The following STK3 variants were observed in gnomAD, a reference collection of about 807,000 sequenced individuals.
STK3 encodes serine/threonine-protein kinase 3.
Under a neutral mutation model 58.0 loss-of-function variants are expected in STK3, and 41 were observed. That is an observed-to-expected ratio of 0.71 (90% CI 0.55 to 0.92). The LOEUF is 0.92. Among genes scored for constraint, STK3 ranks in the 40% least tolerant of loss-of-function variants. STK3 has a pLI of 0.00. For synonymous variants in STK3, 170 were observed against 191.0 expected (o/e 0.89, Z 0.91); for missense variants, 479 against 602.7 (o/e 0.79, Z 2.15).
In STK3 at chr8:98,780,931, T is replaced by C. The variant is rs1022723627; in HGVS notation, c.27-6112A>G. Among the ~76,000 whole-genome samples, 8 of 152,286 alleles carry C rather than the reference T, an allele frequency of 5.3e-5. No homozygotes were observed. In the East Asian group the frequency reaches 7.7e-4, roughly 15 times the overall value. ...GGTCATGAAGCACAAGAAGGTAATA[T>C]TTGGCTACATCAAAAGCTACCAAAA... On this transcript the variant is annotated intron_variant, in intron 1 of 10. Transcript: ENST00000419617.
chr8:98,627,670 G>A (rs549732952), intron 6 of STK3, among the ~76,000 whole-genome samples: 11 of 152,154 alleles, frequency 7.2e-5, no homozygotes, highest in Admixed American at 3.3e-4. Flanking sequence ...TGTATGACCT[G>A]TAGAACTGTA....
upstream of STK3, among the ~76,000 whole-genome samples, chr8:98,828,448 AAAAAAAAAAAAAAAAAAC>A: frequency 6.7e-6 from 1 of 149,802 alleles, no homozygotes; most frequent in Non-Finnish European, 1.5e-5. Flanking sequence ...AAAAAAAAAA[AAAAAAAAAAAAAAAAAAC>A]AAAAGAAATA....
At chr8:98,387,357 T>C (rs1403846281) in intron 1 of STK3, among the ~76,000 whole-genome samples, 1 of 152,222 alleles carries the variant, frequency 6.6e-6, no homozygotes, top group Non-Finnish European at 1.5e-5. Context: ...AGAAGCTAAG[T>C]AAAAGCCACG....
At chr8:98,840,624 T>TAC (rs1157196050) in intron 3 of STK3, among the ~76,000 whole-genome samples, 5 of 132,216 alleles carry the variant, frequency 3.8e-5, no homozygotes, top group African/African-American at 1.2e-4. Context: ...TATATATATA[T>TAC]ATATACACAC....
Position 98,432,914 on chromosome 8 carries a change from G to C in STK3, n.483+1213C>G, listed in dbSNP as rs558111358. On this transcript the variant is annotated intron_variant and non_coding_transcript_variant, in intron 3 of 3. Transcript: ENST00000517832. ...CGATTCGGGAATGGGCAGTAATACT[G>C]ACACACTCGGGACTCCAGCCTCAAA... The C allele has an allele frequency of 2.3e-3, 374 of 161,972 alleles. 1 individual carries two copies. The highest frequency in any genetic ancestry group is 2.6e-3 in the Admixed American group (40 of 15,306). 10.0% of individuals were successfully genotyped at this position (161,972 alleles called of 1,614,324 possible).
intron 3 of STK3, among the ~76,000 whole-genome samples, chr8:98,847,049 C>A (rs868780064): frequency 2.6e-5 from 4 of 152,162 alleles, no homozygotes; most frequent in Non-Finnish European, 5.9e-5. Context: ...TATGACTCTT[C>A]ATTTAATAAC....
At chr8:98,425,338 C>G (rs999515009) in intron 3 of STK3, among the ~76,000 whole-genome samples, 1 of 147,698 alleles carries the variant, frequency 6.8e-6, no homozygotes, top group African/African-American at 2.4e-5. Flanking sequence ...GACACACACA[C>G]ACACACACAC....
the STK3 span, among the ~76,000 whole-genome samples, chr8:98,351,771 A>G: frequency 6.6e-6 from 1 of 152,182 alleles, no homozygotes; most frequent in Admixed American, 6.5e-5. Flanking sequence ...AAAAGATGCA[A>G]ATCTCCTTAG....
rs201078149 is a variant in STK3 at position 98,590,856 on chromosome 8, C to T, written c.822+5176G>A. ...ACTTATGTTAGTATATAATTATATG[C>T]TAATGCCATTTTATCACAATTGTTT... On this transcript the variant is annotated intron_variant, in intron 7 of 10. Transcript: ENST00000419617. 3.3e-5 allele frequency among the ~76,000 whole-genome samples: 5 copies of T among 152,190 alleles called. No individual in the cohort carries two copies. The East Asian group carries it at 7.7e-4, about 23-fold the overall frequency.
chr8:98,743,566 C>A (rs904361562), intron 4 of STK3, among the ~76,000 whole-genome samples: 39 of 152,190 alleles, frequency 2.6e-4, no homozygotes, highest in Non-Finnish European at 1.2e-4. Context: ...CTTCCTTACA[C>A]TTTATACAAA....
chr8:98,369,551 C>T (rs556307698), downstream of STK3, among the ~76,000 whole-genome samples: 15 of 152,172 alleles, frequency 9.9e-5, no homozygotes, highest in South Asian at 3.1e-3. Flanking sequence ...AAAGGGCAGG[C>T]CTGGGATTCC....
chr8:98,591,631 G>A (rs1815323434), intron 7 of STK3, among the ~76,000 whole-genome samples: 1 of 152,172 alleles, frequency 6.6e-6, no homozygotes, highest in Non-Finnish European at 1.5e-5. Flanking sequence ...CAGCAGTTAT[G>A]TAGGGAAAGC....
intron 3 of STK3, among the ~76,000 whole-genome samples, chr8:98,859,807 C>T (rs1836860154): frequency 6.6e-6 from 1 of 152,204 alleles, no homozygotes; most frequent in African/African-American, 2.4e-5. Flanking sequence ...TTCTTGGGCT[C>T]TGATAGTCAC....
chr8:98,741,016 A>G (rs1829156629), intron 4 of STK3, among the ~76,000 whole-genome samples: 1 of 152,230 alleles, frequency 6.6e-6, no homozygotes, highest in East Asian at 1.9e-4. Context: ...ACATAATGGT[A>G]GAGGGATCAA....
At chr8:98,636,414 A>G (rs1367363557) in intron 6 of STK3, among the ~76,000 whole-genome samples, 1 of 152,182 alleles carries the variant, frequency 6.6e-6, no homozygotes, top group African/African-American at 2.4e-5. Context: ...ACATTTACTG[A>G]CTGCCTATCA....
chr8:98,766,185 G>T (rs779090963), intron 3 of STK3, among the ~76,000 whole-genome samples: 6 of 152,152 alleles, frequency 3.9e-5, no homozygotes, highest in African/African-American at 1.4e-4. Context: ...TCACTACAAT[G>T]AGTGTGCTAT....
chr8:98,869,142 T>C (rs2131869903), intron 3 of STK3, among the ~76,000 whole-genome samples: 1 of 152,142 alleles, frequency 6.6e-6, no homozygotes, highest in African/African-American at 2.4e-5. Context: ...AATCTCACGC[T>C]GGGTCTGGTG....
chr8:98,350,663 C>T, the STK3 span, among the ~76,000 whole-genome samples: 1 of 152,192 alleles, frequency 6.6e-6, no homozygotes, highest in Non-Finnish European at 1.5e-5. Context: ...AGGTGAAAGG[C>T]ACATCTTGTG....
chr8:98,666,441 T>A (rs1207460032), intron 6 of STK3, among the ~76,000 whole-genome samples: 1 of 152,230 alleles, frequency 6.6e-6, no homozygotes, highest in Admixed American at 6.5e-5. Flanking sequence ...TAGTTCTATA[T>A]ACAGTTATAC....
Sources: gnomAD v4.1 joint callset for allele counts (sites outside exome capture counted in the v4.1 genomes callset) on GRCh38, gnomAD v4.1.1 for gene constraint, MANE v1.5 for transcripts, NCBI Gene and HGNC (gene_info 2026-07-23, HGNC 2026-07-21) for gene names.